DNAJA2: variants seen among roughly 807,000 people sequenced by gnomAD.
DNAJA2 encodes the protein dnaJ homolog subfamily A member 2.
A neutral mutation model predicts 49.3 loss-of-function variants in DNAJA2; 6 were observed. That is an observed-to-expected ratio of 0.12 (90% CI 0.07 to 0.24). The LOEUF is 0.24. Ranked by LOEUF, DNAJA2 falls within the 10% of genes least tolerant of loss-of-function variation. DNAJA2 has a pLI of 1.00. For missense variants in DNAJA2, 347 were observed against 516.8 expected (o/e 0.67, Z 3.19); for synonymous variants, 160 against 172.7 (o/e 0.93, Z 0.58).
rs759690772 is a variant in DNAJA2 at position 46,973,456 on chromosome 16, C to T, written c.78+39G>A. On this transcript the variant is annotated intron_variant, in intron 1 of 8. Transcript: ENST00000317089. ...AGAAGACATCCCTGGCCGCGCAGGC[C>T]CCGCGCCCCTCACACCCGCCCGGCC... 6 of 1,563,230 alleles carry T rather than the reference C, an allele frequency of 3.8e-6. No homozygotes were observed. In the South Asian group the frequency reaches 6.9e-5, roughly 18 times the overall value.
chr16:46,973,432 G>T, intron 1 of DNAJA2, 63 bp downstream of exon 1: 1 of 1,476,410 alleles, frequency 6.8e-7, no homozygotes, highest in East Asian at 2.8e-5. Context: ...CCTGGCTGAA[G>T]AAGACATCCC....
intron 6 of DNAJA2, among the ~76,000 whole-genome samples, chr16:46,960,803 A>T (rs921504273): frequency 9.9e-5 from 15 of 151,948 alleles, no homozygotes; most frequent in East Asian, 1.9e-4. Flanking sequence ...AAAAAAATTT[A>T]AAAAAGCTAA....
Position 46,968,161 on chromosome 16 carries a change from T to C in DNAJA2, c.366A>G (p.Val122=), listed in dbSNP as rs752556798. The C allele has an allele frequency of 1.3e-6, 2 of 1,592,866 alleles. No homozygotes were observed. The highest frequency in any genetic ancestry group is 1.7e-6 in the Non-Finnish European group (2 of 1,172,544). Residue 122 remains valine (V), a synonymous_variant, in exon 4 of 9, where the codon GTA becomes GTG. Transcript: ENST00000317089. ...TGCCATTATACAGATCTTCTAAAGA[T>C]ACTCTGGAAAGAAAAGAATCGGCTT... The part of the protein sequence containing the change: ...RGEDMMHPLK[V]SLEDLYNGKT...
chr16:46,972,533 G>A (rs1056799176), intron 1 of DNAJA2: 1 of 153,854 alleles, frequency 6.5e-6, no homozygotes, highest in African/African-American at 2.4e-5. Flanking sequence ...CACTCTCAAC[G>A]AGGTGTTTGG....
At chr16:46,963,566 G>A (rs1309160403) in intron 6 of DNAJA2, among the ~76,000 whole-genome samples, 1 of 151,198 alleles carries the variant, frequency 6.6e-6, no homozygotes, top group Non-Finnish European at 1.5e-5. Flanking sequence ...AGATGGGCAT[G>A]ATGGTGCACC....
rs996822616 is a variant in DNAJA2, at chr16:46,967,983, G to T, written c.443+101C>A. On this transcript the variant is annotated intron_variant, in intron 4 of 8. Transcript: ENST00000317089. ...CAGGTGTGAGCCACCGCACCCAGCC[G>T]TAAGTTTTAACTTATAACAATTTTT... 2.5e-6 allele frequency: 3 copies of T among 1,178,684 alleles called. No individual in the cohort carries two copies. In the Admixed American group the frequency reaches 7.8e-5, roughly 31 times the overall value. 73.0% of individuals were successfully genotyped at this position (1,178,684 alleles called of 1,614,324 possible).
At chr16:46,961,581 C>CA (rs36085777) in intron 6 of DNAJA2, among the ~76,000 whole-genome samples, 153 of 135,426 alleles carry the variant, frequency 1.1e-3, no homozygotes, top group African/African-American at 3.6e-3. Flanking sequence ...AAGACTGTCT[C>CA]AAAAAAAAAA....
chr16:46,967,679 T>G, intron 4 of DNAJA2, 33 bp from the exon 5 acceptor site: 2 of 1,613,826 alleles, frequency 1.2e-6, no homozygotes, highest in Non-Finnish European at 1.7e-6. Flanking sequence ...ATTAGGTTTT[T>G]GTCCACAAAC....
intron 1 of DNAJA2, 26 bp from the exon 2 acceptor site, chr16:46,971,981 A>G (rs1001585812): frequency 2.6e-6 from 4 of 1,535,858 alleles, no homozygotes; most frequent in African/African-American, 2.7e-5. Context: ...AAAACAAAAA[A>G]GGTTATAACT....
chr16:46,970,753 A>AAAAAAAAAAAAAG (rs1962033603), intron 3 of DNAJA2, among the ~76,000 whole-genome samples: 1 of 145,354 alleles, frequency 6.9e-6, no homozygotes, highest in African/African-American at 2.6e-5. Flanking sequence ...AAAAAAAAAA[A>AAAAAAAAAAAAAG]AAAGGTCGGG....
Position 46,959,294 on chromosome 16 carries a change from AG to A in DNAJA2, c.899del (p.Pro300LeufsTer4). 6.2e-7 allele frequency: 1 copy of A among 1,613,738 alleles called. No individual in the cohort carries two copies. The highest frequency in any genetic ancestry group is 8.5e-7 in the Non-Finnish European group (1 of 1,179,880). On this transcript the variant is annotated frameshift_variant, in exon 7 of 9. Transcript: ENST00000317089. LOFTEE classifies it high-confidence loss of function. ...DGRQIVVKYP[P>X]GKVIEPGCVR... ...ATTTACCTGGTTCAATTACTTTGCC[AG>A]GGGGGTATTTCACCACAATCTGACG...
intron 1 of DNAJA2, 130 bp from the exon 2 acceptor site, chr16:46,972,085 G>T (rs536232668): frequency 5.8e-6 from 4 of 695,116 alleles, no homozygotes; most frequent in Non-Finnish European, 7.4e-6. Context: ...TTTTCTATTC[G>T]TAGGGATTCT....
chr16:46,959,244 A>C (rs1372731898), intron 7 of DNAJA2, 31 bp downstream of exon 7: 1 of 1,585,176 alleles, frequency 6.3e-7, no homozygotes, highest in Admixed American at 1.9e-5. Context: ...AAAATACTTG[A>C]AAACCAGAAT....
intron 8 of DNAJA2, among the ~76,000 whole-genome samples, chr16:46,958,192 C>T (rs958912039): frequency 1.3e-5 from 2 of 151,840 alleles, no homozygotes; most frequent in Non-Finnish European, 2.9e-5. Flanking sequence ...GTGGTACACA[C>T]CCGTAGCAAG....
At chr16:46,959,192 A>C in intron 7 of DNAJA2, 62 bp from the exon 8 acceptor site, 1 of 1,573,656 alleles carries the variant, frequency 6.4e-7, no homozygotes, top group South Asian at 1.2e-5. Flanking sequence ...TTTTTTTTAG[A>C]GTTATGCAGT....
Position 46,973,630 on chromosome 16 carries a change from G to C in DNAJA2, c.-58C>G. 2 of 1,549,052 alleles carry C rather than the reference G, an allele frequency of 1.3e-6. No homozygotes were observed. Among genetic ancestry groups the C allele is most frequent in the Non-Finnish European group, 1.7e-6 (2 of 1,149,410 alleles). On this transcript the variant is annotated 5_prime_UTR_variant, in exon 1 of 9. Coordinates refer to ENST00000317089, the MANE Select transcript of DNAJA2 (RefSeq NM_005880.4). ...TGGCGAAGCAGACAGAGCGGAGTCG[G>C]GCCCACAAGCGGCGTCGGCGGCGGC...
intron 5 of DNAJA2, among the ~76,000 whole-genome samples, chr16:46,967,011 T>C (rs1961981497): frequency 6.6e-6 from 1 of 152,222 alleles, no homozygotes; most frequent in African/African-American, 2.4e-5. Flanking sequence ...AGAGTCACCT[T>C]TCACTAACAC....
At chr16:46,957,324 G>C in intron 8 of DNAJA2, 104 bp from the exon 9 acceptor site, 1 of 1,110,310 alleles carries the variant, frequency 9.0e-7, no homozygotes, top group Non-Finnish European at 1.3e-6. Flanking sequence ...AAAGGGGCTG[G>C]GTGTGGTGGT....
intron 6 of DNAJA2, among the ~76,000 whole-genome samples, chr16:46,960,649 C>T (rs145868553): frequency 1.3e-5 from 2 of 152,016 alleles, no homozygotes; most frequent in Admixed American, 6.6e-5. Context: ...TGTGGTGGCA[C>T]GCGCCTGTAG....
Sources: gnomAD v4.1 joint callset for allele counts (sites outside exome capture counted in the v4.1 genomes callset) on GRCh38, gnomAD v4.1.1 for gene constraint, MANE v1.5 for transcripts, NCBI Gene and HGNC (gene_info 2026-07-23, HGNC 2026-07-21) for gene names.